LRRC4: variants seen among roughly 807,000 people sequenced by gnomAD.
LRRC4 encodes leucine rich repeat containing 4, also known as leucine-rich repeat-containing protein 4.
In LRRC4, 11 loss-of-function variants were observed where a neutral mutation model predicts 37.9. The ratio of observed to expected loss-of-function variants is 0.29; its 90% CI spans 0.18 to 0.48. LRRC4 has a LOEUF of 0.48. Ranked by LOEUF, LRRC4 falls within the 20% of genes least tolerant of loss-of-function variation. The probability of loss-of-function intolerance (pLI) is 0.99; values close to 1 mark genes in which losing one functional copy is unlikely to be tolerated. For missense variants in LRRC4, 717 were observed against 842.1 expected, an observed-to-expected ratio of 0.85 and a Z score of 1.84; for synonymous variants, 404 against 346.7, an observed-to-expected ratio of 1.17 and a Z score of -1.84.
upstream of LRRC4, chr7:128,031,938 T>C (rs1015819271): frequency 1.3e-5 from 2 of 150,710 alleles, no homozygotes; most frequent in Non-Finnish European, 3.0e-5. Context: ...CGGGAAACGC[T>C]CCGGAGCCCA....
In LRRC4 at chr7:128,028,532, A is replaced by C; in HGVS notation, c.*147T>G. 2.7e-6 allele frequency: 2 copies of C among 750,744 alleles called. No individual in the cohort carries two copies. The highest frequency in any genetic ancestry group is 4.0e-6 in the Non-Finnish European group (2 of 497,944). The allele number at this position is 750,744 out of a possible 1,614,324, so 46.5% of individuals were successfully genotyped here. On this transcript the variant is annotated 3_prime_UTR_variant, in exon 2 of 2. Transcript: ENST00000249363. ...ATTTTTGTTTTGACTTTTTGTCTTT[A>C]AATTTTAATATAATCTGTTTTTTTT... is the stretch of plus-strand genomic sequence containing the variant.
Position 128,029,625 on chromosome 7 carries a change from T to G in LRRC4, c.1016A>C (p.Tyr339Ser), listed in dbSNP as rs1388284908. Residue 339 changes from tyrosine to serine, a missense_variant, in exon 2 of 2, where the codon TAC (tyrosine) becomes TCC (serine). Physicochemically the swap from Tyr to Ser is moderately radical, Grantham distance 144. Transcript: ENST00000249363. This position sits in a 1 kb window ranked among gnomAD's most constrained non-coding sequence, Gnocchi z 4.2. ...GGAGGCCTGGTCCACCTCCACGAGG[T>G]AGCGGCCTCGCATGTGCATGGGAGC... The part of the protein sequence containing the change: ...CHAPMHMRGR[Y>S]LVEVDQASFQ... The G allele has an allele frequency of 6.2e-7, 1 of 1,613,936 alleles. No homozygotes were observed. The highest frequency in any genetic ancestry group is 1.1e-5 in the South Asian group (1 of 91,070).
Position 128,029,204 on chromosome 7 carries a change from C to A in LRRC4, c.1437G>T (p.Thr479=), listed in dbSNP as rs1416147591. The A allele has an allele frequency of 6.2e-6, 10 of 1,613,994 alleles. No homozygotes were observed. The South Asian group carries it at 9.9e-5, about 16-fold the overall frequency. The change falls in exon 2 of 2, where the codon ACG becomes ACT. Residue 479 remains threonine (T), a synonymous_variant. Coordinates refer to ENST00000249363, the MANE Select transcript of LRRC4 (RefSeq NM_022143.5). This position sits in a 1 kb window ranked among gnomAD's most constrained non-coding sequence, Gnocchi z 4.2. ...TTRKYKPVPT[T]STGYQPAYTT... Reference sequence around the variant, plus strand: ...TATATGCCGGCTGGTAACCAGTGGACGTGGTAGGAACAGGCTTGTACTTTC... The same window carrying A: ...TATATGCCGGCTGGTAACCAGTGGAAGTGGTAGGAACAGGCTTGTACTTTC...
chr7:128,030,149 A>C lies in LRRC4; in HGVS notation c.492T>G (p.Ser164=). Residue 164 remains serine (S), a synonymous_variant, in exon 2 of 2, where the codon TCT becomes TCG. Transcript: ENST00000249363. Reference sequence around the variant, plus strand: ...GGGAGGGCACCCGGTTGAAGGCGTAAGAGGGGATGCTTTCGATGGGGTTGT... The same window carrying C: ...GGGAGGGCACCCGGTTGAAGGCGTACGAGGGGATGCTTTCGATGGGGTTGT... ...LRNNPIESIP[S]YAFNRVPSLM... is the part of the protein sequence containing the mutation. The C allele has an allele frequency of 1.9e-6, 3 of 1,614,170 alleles. No homozygotes were observed. The highest frequency in any genetic ancestry group is 2.5e-6 in the Non-Finnish European group (3 of 1,180,024).
chr7:128,030,414 T>A lies in LRRC4; in HGVS notation c.227A>T (p.Asn76Ile). 2 of 1,613,870 alleles carry A rather than the reference T, an allele frequency of 1.2e-6. No individual in the cohort carries two copies. Among genetic ancestry groups the A allele is most frequent in the Non-Finnish European group, 1.7e-6 (2 of 1,180,016 alleles). The change falls in exon 2 of 2, where the codon AAC (asparagine) becomes ATC (isoleucine). Residue 76 changes from asparagine (N) to isoleucine (I), a missense_variant. This residue lies in a region of LRRC4 where 127 missense variants were observed against 134.8 expected (regional missense o/e 0.94). Transcript: ENST00000249363. The part of the protein sequence containing the change: ...LSEVPQGIPS[N>I]TRYLNLMENN... ...CTCCATGAGGTTGAGGTACCGGGTGTTCGAGGGAATACCCTGCGGGACCTC... is the reference window on the plus strand; with the variant it reads ...CTCCATGAGGTTGAGGTACCGGGTGATCGAGGGAATACCCTGCGGGACCTC...
In LRRC4 at chr7:128,027,079, T is replaced by C. The variant is rs1803496183; in HGVS notation, c.*1600A>G. 1 of 152,700 alleles carries C rather than the reference T, an allele frequency of 6.5e-6. No homozygotes were observed. Among genetic ancestry groups the C allele is most frequent in the East Asian group, 1.9e-4 (1 of 5,192 alleles). 9.5% of individuals were successfully genotyped at this position (152,700 alleles called of 1,614,324 possible). A position where few individuals can be genotyped will look rare whatever the true frequency, so the allele number is the denominator to read the frequency against. On this transcript the variant is annotated 3_prime_UTR_variant, in exon 2 of 2. Coordinates refer to ENST00000249363, the MANE Select transcript of LRRC4 (RefSeq NM_022143.5). ...CCTTTGGGGACATTGAATTAAAAAT[T>C]CAACAATATTTATTAAAATACAAAA...
Position 128,029,332 on chromosome 7 carries a change from C to A in LRRC4, c.1309G>T (p.Ala437Ser), listed in dbSNP as rs776324571. 2 of 1,614,092 alleles carry A rather than the reference C, an allele frequency of 1.2e-6. No homozygotes were observed. Among genetic ancestry groups the A allele is most frequent in the South Asian group, 2.2e-5 (2 of 91,072 alleles). The change falls in exon 2 of 2, where the codon GCC (alanine) becomes TCC (serine). Residue 437 changes from alanine to serine, a missense_variant. Ala to Ser is a moderately conservative substitution (Grantham distance 99, BLOSUM62 1). Coordinates refer to ENST00000249363, the MANE Select transcript of LRRC4 (RefSeq NM_022143.5). This position sits in a 1 kb window ranked among gnomAD's most constrained non-coding sequence, Gnocchi z 4.2. ...TCAGCCGTGCTCACATTGAGGTAGGCCGAGGCGTTGGAGTTGCCTGCAACA... is the reference window on the plus strand; with the variant it reads ...TCAGCCGTGCTCACATTGAGGTAGGACGAGGCGTTGGAGTTGCCTGCAACA... ...TNVAGNSNAS[A>S]YLNVSTAELN... is the part of the protein sequence containing the mutation.
Position 128,030,711 on chromosome 7 carries a change from C to CT in LRRC4, c.-72dup. On this transcript the variant is annotated 5_prime_UTR_variant, in exon 2 of 2. It removes the in-frame stop codon of an upstream open reading frame in the 5' UTR. Coordinates refer to ENST00000249363, the MANE Select transcript of LRRC4 (RefSeq NM_022143.5). ...GAAAGGAGAACCAGCCCTACCCCGGCTTAAGTGAGCTAGGAGCTCCTCTTT... is the reference window on the plus strand; with the variant it reads ...GAAAGGAGAACCAGCCCTACCCCGGCTTTAAGTGAGCTAGGAGCTCCTCTTT... The CT allele has an allele frequency of 6.7e-7, 1 of 1,496,386 alleles. No homozygotes were observed. Among genetic ancestry groups the CT allele is most frequent in the Non-Finnish European group, 9.0e-7 (1 of 1,116,122 alleles). The allele number at this position is 1,496,386 out of a possible 1,614,324, so 92.7% of individuals were successfully genotyped here.
Position 128,028,822 on chromosome 7 carries a change from A to C in LRRC4, c.1819T>G (p.Tyr607Asp), listed in dbSNP as rs751261425. 1.5e-5 allele frequency: 24 copies of C among 1,614,012 alleles called. No individual in the cohort carries two copies. The highest frequency in any genetic ancestry group is 1.7e-6 in the Non-Finnish European group (2 of 1,180,024). Reference protein sequence around the residue: ...VLPTIHDHINYNTYKPAHGAH... With the variant: ...VLPTIHDHINDNTYKPAHGAH... ...CCATGTGCTGGTTTGTAGGTGTTGT[A>C]GTTAATATGGTCATGAATTGTGGGC... The change falls in exon 2 of 2, where the codon TAC (tyrosine) becomes GAC (aspartate). Residue 607 changes from tyrosine to aspartate, a missense_variant. Around this residue, in one of 5 missense-constraint regions of LRRC4, gnomAD observed 140 missense variants for 137.2 expected, o/e 1.02. Transcript: ENST00000249363.
At position 128,029,986 on chromosome 7, in the gene LRRC4, C is replaced by T. The variant is rs755118175; in HGVS notation, c.655G>A (p.Gly219Arg). 7 of 1,613,182 alleles carry T rather than the reference C, an allele frequency of 4.3e-6. No individual in the cohort carries two copies. In the South Asian group the frequency reaches 6.6e-5, roughly 15 times the overall value. The stretch of plus-strand genomic sequence containing the variant: ...CCTGACATCTCCAGCTCCTCCAGCC[C>T]CACCAGGGGGGTGAGATTGGGCATG... The part of the protein sequence containing the change: ...KDMPNLTPLV[G>R]LEELEMSGNH... Residue 219 changes from glycine (G) to arginine (R), a missense_variant, in exon 2 of 2, where the codon GGG (glycine) becomes AGG (arginine). Gly to Arg is a moderately radical substitution (Grantham distance 125). Transcript: ENST00000249363. The surrounding 1 kb of genome is among the most constrained non-coding windows in gnomAD (Gnocchi z 4.2).
chr7:128,030,563 C>A lies in LRRC4; in HGVS notation c.78G>T (p.Ala26=), dbSNP rs554085056. The change falls in exon 2 of 2, where the codon GCG becomes GCT. Residue 26 remains alanine, a synonymous_variant. Transcript: ENST00000249363. ...TGGCTGCACACAGAATCCACACTTG[C>A]GCCGTGAGGTAGACGAACGGGAGCA... ...AILLPFVYLT[A]QVWILCAAIA... The A allele has an allele frequency of 2.5e-6, 4 of 1,611,732 alleles. No individual in the cohort carries two copies. The highest frequency in any genetic ancestry group is 3.4e-6 in the Non-Finnish European group (4 of 1,178,616).
upstream of LRRC4, chr7:128,031,659 CG>C (rs1458387725): frequency 1.4e-5 from 2 of 146,664 alleles, no homozygotes; most frequent in Non-Finnish European, 3.0e-5. Flanking sequence ...GTCCGCCGGC[CG>C]GAGGAGCGCG....
rs1221762246 is a variant in LRRC4 at position 128,028,024 on chromosome 7, T to G, written c.*655A>C. 1 of 152,688 alleles carries G rather than the reference T, an allele frequency of 6.5e-6. No homozygotes were observed. Among genetic ancestry groups the G allele is most frequent in the Non-Finnish European group, 1.5e-5 (1 of 68,076 alleles). 9.5% of individuals were successfully genotyped at this position (152,688 alleles called of 1,614,324 possible). A position where few individuals can be genotyped will look rare whatever the true frequency, so the allele number is the denominator to read the frequency against. ...TGTCCAGTGCACAGACCCCCAAGAC[T>G]TGTGCACATGGACAAAGACTCAGCC... On this transcript the variant is annotated 3_prime_UTR_variant, in exon 2 of 2. Coordinates refer to ENST00000249363, the MANE Select transcript of LRRC4 (RefSeq NM_022143.5).
rs562386132 is a variant in LRRC4 at position 128,028,154 on chromosome 7, T to C, written c.*525A>G. 6.5e-6 allele frequency: 1 copy of C among 152,940 alleles called. No individual in the cohort carries two copies. The highest frequency in any genetic ancestry group is 6.5e-5 in the Admixed American group (1 of 15,318). The allele number at this position is 152,940 out of a possible 1,614,324, so 9.5% of individuals were successfully genotyped here. On this transcript the variant is annotated 3_prime_UTR_variant, in exon 2 of 2. Transcript: ENST00000249363. ...AGAAAAATATTATTGCCACTATCAT[T>C]TTGGCACAGTACAAATTCATGGTGC...
chr7:128,028,094 T>C lies in LRRC4; in HGVS notation c.*585A>G, dbSNP rs1190495104. The stretch of plus-strand genomic sequence containing the variant: ...ATTTTGGTGGTTTTCCTGCTTAAAA[T>C]ACATGTACAGGTCTATCTTCCCCTT... On this transcript the variant is annotated 3_prime_UTR_variant, in exon 2 of 2. Coordinates refer to ENST00000249363, the MANE Select transcript of LRRC4 (RefSeq NM_022143.5). 1 of 152,690 alleles carries C rather than the reference T, an allele frequency of 6.5e-6. No individual in the cohort carries two copies. The highest frequency in any genetic ancestry group is 1.5e-5 in the Non-Finnish European group (1 of 68,070). The allele number at this position is 152,690 out of a possible 1,614,324, so 9.5% of individuals were successfully genotyped here.
rs745984603 is a variant in LRRC4 at position 128,029,209 on chromosome 7, T to G, written c.1432A>C (p.Thr478Pro). 1.2e-6 allele frequency: 2 copies of G among 1,613,974 alleles called. No individual in the cohort carries two copies. Residue 478 changes from threonine (T) to proline (P), a missense_variant, in exon 2 of 2, where the codon ACC (threonine) becomes CCC (proline). Physicochemically the swap from Thr to Pro is conservative, Grantham distance 38 (BLOSUM62 -1). Around this residue, in one of 5 missense-constraint regions of LRRC4, gnomAD observed 293 missense variants for 268.3 expected, o/e 1.09. Transcript: ENST00000249363. The surrounding 1 kb of genome is among the most constrained non-coding windows in gnomAD (Gnocchi z 4.2). Reference protein sequence around the residue: ...DTTRKYKPVPTTSTGYQPAYT... With the variant: ...DTTRKYKPVPPTSTGYQPAYT... ...GCCGGCTGGTAACCAGTGGACGTGG[T>G]AGGAACAGGCTTGTACTTTCGCGTT...
upstream of LRRC4, chr7:128,031,918 G>T (rs984788242): frequency 6.6e-6 from 1 of 151,302 alleles, no homozygotes; most frequent in Non-Finnish European, 1.5e-5. Flanking sequence ...AGCAGCGGGG[G>T]TCGCGGCTGC....
chr7:128,029,543 C>G lies in LRRC4; in HGVS notation c.1098G>C (p.Glu366Asp). 3 of 1,614,080 alleles carry G rather than the reference C, an allele frequency of 1.9e-6. No individual in the cohort carries two copies. The highest frequency in any genetic ancestry group is 2.5e-6 in the Non-Finnish European group (3 of 1,180,028). ...MDAPRDLNIS[E>D]GRMAELKCRT... ...GACACTTAAGTTCTGCCATCCGACC[C>G]TCAGAAATGTTGAGGTCTCGAGGTG... The change falls in exon 2 of 2, where the codon GAG (glutamate) becomes GAC (aspartate). Residue 366 changes from glutamate to aspartate, a missense_variant. By Grantham distance (45) the Glu-to-Asp change is conservative. This residue lies in a region of LRRC4 where 293 missense variants were observed against 268.3 expected (regional missense o/e 1.09). Coordinates refer to ENST00000249363, the MANE Select transcript of LRRC4 (RefSeq NM_022143.5). This position sits in a 1 kb window ranked among gnomAD's most constrained non-coding sequence, Gnocchi z 4.2.
rs528839866 is a variant in LRRC4 at position 128,027,087 on chromosome 7, A to G, written c.*1592T>C. ...GACATTGAATTAAAAATTCAACAAT[A>G]TTTATTAAAATACAAAAATACACTT... On this transcript the variant is annotated 3_prime_UTR_variant, in exon 2 of 2. Transcript: ENST00000249363. 1 of 152,692 alleles carries G rather than the reference A, an allele frequency of 6.5e-6. No individual in the cohort carries two copies. The highest frequency in any genetic ancestry group is 2.4e-5 in the African/African-American group (1 of 41,536). 9.5% of individuals were successfully genotyped at this position (152,692 alleles called of 1,614,324 possible). A position where few individuals can be genotyped will look rare whatever the true frequency, so the allele number is the denominator to read the frequency against.
Sources: gnomAD v4.1 joint callset for allele counts on GRCh38, gnomAD v4.1.1 for gene constraint, gnomAD v4.1.1 regional missense constraint, Gnocchi (gnomAD v3.1) non-coding constraint, MANE v1.5 for transcripts, NCBI Gene and HGNC (gene_info 2026-07-23, HGNC 2026-07-21) for gene names.